The following SUGCT variants were observed in gnomAD, a reference collection of about 807,000 sequenced individuals.
The protein encoded by SUGCT is succinyl-CoA:glutarate CoA-transferase.
SUGCT carries 41 observed loss-of-function variants against 55.0 expected under a neutral mutation model. That is an observed-to-expected ratio of 0.74 (90% CI 0.58 to 0.97). The LOEUF (loss-of-function observed/expected upper bound fraction) is 0.97. SUGCT is among the 50% of genes least tolerant of loss of function. The pLI, the probability that SUGCT is intolerant of heterozygous loss-of-function variation, is 0.00. For missense variants in SUGCT, 568 were observed against 547.8 expected, an observed-to-expected ratio of 1.04 and a Z score of -0.37; for synonymous variants, 187 against 200.4, an observed-to-expected ratio of 0.93 and a Z score of 0.56.
intron 12 of SUGCT, among the ~76,000 whole-genome samples, chr7:40,592,185 C>T (rs1797761796): frequency 1.3e-5 from 2 of 152,158 alleles, no homozygotes; most frequent in African/African-American, 4.8e-5. Flanking sequence ...TCTCTAAGAT[C>T]ACTTTCACCC....
intron 12 of SUGCT, among the ~76,000 whole-genome samples, chr7:40,597,530 C>G (rs1798074374): frequency 6.6e-6 from 1 of 152,046 alleles, no homozygotes; most frequent in Non-Finnish European, 1.5e-5. Context: ...TGACTTTTGG[C>G]AATGTGGCAG....
chr7:40,375,027 A>G (rs1334260527), intron 9 of SUGCT, among the ~76,000 whole-genome samples: 1 of 152,182 alleles, frequency 6.6e-6, no homozygotes, highest in Non-Finnish European at 1.5e-5. Context: ...GTGTGGGCTC[A>G]GTCTTCAGAA....
At chr7:40,822,006 T>G (rs1792044377) in intron 13 of SUGCT, among the ~76,000 whole-genome samples, 1 of 152,224 alleles carries the variant, frequency 6.6e-6, no homozygotes, top group Non-Finnish European at 1.5e-5. Context: ...TATTTCTGCC[T>G]TCATTTCATT....
chr7:40,665,060 T>C (rs1801543870), intron 12 of SUGCT, among the ~76,000 whole-genome samples: 1 of 152,140 alleles, frequency 6.6e-6, no homozygotes, highest in South Asian at 2.1e-4. Context: ...GTAATTATTT[T>C]ACTAATGCTG....
At chr7:40,828,319 T>C (rs1307330045) in intron 13 of SUGCT, among the ~76,000 whole-genome samples, 1 of 152,174 alleles carries the variant, frequency 6.6e-6, no homozygotes, top group Non-Finnish European at 1.5e-5. Flanking sequence ...AGTTGGGGGC[T>C]ATAGGGCACA....
chr7:40,726,738 G>T (rs983266554), intron 12 of SUGCT, among the ~76,000 whole-genome samples: 2 of 152,172 alleles, frequency 1.3e-5, no homozygotes, highest in Non-Finnish European at 2.9e-5. Context: ...ACAATGGGTT[G>T]GCTTACCGCC....
chr7:40,987,241 C>T, the SUGCT span, among the ~76,000 whole-genome samples: 1 of 152,132 alleles, frequency 6.6e-6, no homozygotes, highest in South Asian at 2.1e-4. Flanking sequence ...GTCCCAGGGA[C>T]TCATCAGAGA....
chr7:41,000,433 T>G, the SUGCT span, among the ~76,000 whole-genome samples: 1 of 151,756 alleles, frequency 6.6e-6, no homozygotes, highest in Admixed American at 6.6e-5. Flanking sequence ...GGCTATGTAA[T>G]TACAGTTCTT....
intron 11 of SUGCT, among the ~76,000 whole-genome samples, chr7:40,483,762 G>C (rs1791185449): frequency 6.6e-6 from 1 of 151,030 alleles, no homozygotes; most frequent in Admixed American, 6.6e-5. Flanking sequence ...CCCATGAAAA[G>C]ATGCTTAATT....
chr7:40,355,107 A>C (rs1237165454), intron 9 of SUGCT, among the ~76,000 whole-genome samples: 2 of 152,130 alleles, frequency 1.3e-5, no homozygotes, highest in East Asian at 3.9e-4. Context: ...GAAGGACTCT[A>C]ATCTCTAGGC....
chr7:40,390,681 T>C (rs1785376503), intron 9 of SUGCT, among the ~76,000 whole-genome samples: 1 of 152,098 alleles, frequency 6.6e-6, no homozygotes, highest in Admixed American at 6.6e-5. Context: ...ATAGGAAGAA[T>C]CAATATCATG....
In SUGCT at chr7:40,182,805, T is replaced by C. The variant is rs543829603; in HGVS notation, c.226+777T>C. Among the ~76,000 whole-genome samples, 8 of 152,238 alleles carry C rather than the reference T, an allele frequency of 5.3e-5. No individual in the cohort carries two copies. In the South Asian group the frequency reaches 1.7e-3, roughly 32 times the overall value. On this transcript the variant is annotated intron_variant, in intron 3 of 13. Coordinates refer to ENST00000335693, the MANE Select transcript of SUGCT (RefSeq NM_001193313.2). ...TAAGGAATATCCAGACCCTCAGCCA[T>C]GATTCTGGCCTTCCTTAGCCCCAGC...
At chr7:40,620,743 T>C (rs1466958014) in intron 12 of SUGCT, among the ~76,000 whole-genome samples, 1 of 152,136 alleles carries the variant, frequency 6.6e-6, no homozygotes, top group Non-Finnish European at 1.5e-5. Flanking sequence ...ATTTGGTGAA[T>C]GGCCATAATA....
intron 9 of SUGCT, among the ~76,000 whole-genome samples, chr7:40,407,876 G>A (rs1281116919): frequency 6.6e-6 from 1 of 152,068 alleles, no homozygotes; most frequent in African/African-American, 2.4e-5. Flanking sequence ...TGCTGGAATA[G>A]TTTTCTATTA....
chr7:40,486,231 G>A (rs567361313), intron 11 of SUGCT, among the ~76,000 whole-genome samples: 14 of 152,110 alleles, frequency 9.2e-5, no homozygotes, highest in Non-Finnish European at 1.6e-4. Context: ...GAATGTATCT[G>A]TTTCTTCTAG....
chr7:40,836,546 T>C (rs1792986201), intron 13 of SUGCT, among the ~76,000 whole-genome samples: 1 of 152,206 alleles, frequency 6.6e-6, no homozygotes, highest in South Asian at 2.1e-4. Flanking sequence ...CCGTGATCAA[T>C]GTATAGAACG....
At chr7:40,242,920 TATATA>T (rs1562604943) in intron 7 of SUGCT, among the ~76,000 whole-genome samples, 2 of 27,698 alleles carry the variant, frequency 7.2e-5, no homozygotes, top group Non-Finnish European at 1.6e-4. Flanking sequence ...TATATATATA[TATATA>T]TATATATATT....
At chr7:40,871,152 C>T in the SUGCT span, among the ~76,000 whole-genome samples, 44,428 of 151,944 alleles carry the variant, frequency 0.29, 7,265 homozygotes, top group East Asian at 0.72. Context: ...CCTTTGCAGA[C>T]GAGGGAGGAA....
chr7:40,373,846 CTTT>C lies in SUGCT; in HGVS notation c.816+56992_816+56994del, dbSNP rs1233538335. On this transcript the variant is annotated intron_variant, in intron 9 of 13. Coordinates refer to ENST00000335693, the MANE Select transcript of SUGCT (RefSeq NM_001193313.2). ...GAAATCTGTAAGAATGTTTCAAATG[CTTT>C]ATAGTAAAAAAGTGCAAGTTGAATT... 1.3e-4 allele frequency among the ~76,000 whole-genome samples: 20 copies of C among 152,160 alleles called. No homozygotes were observed. In the East Asian group the frequency reaches 3.1e-3, roughly 23 times the overall value.
Sources: gnomAD v4.1 joint callset for allele counts (sites outside exome capture counted in the v4.1 genomes callset) on GRCh38, gnomAD v4.1.1 for gene constraint, MANE v1.5 for transcripts, NCBI Gene and HGNC (gene_info 2026-07-23, HGNC 2026-07-21) for gene names.